Variants in TMEM260 observed in about 807,000 individuals in gnomAD.
TMEM260 encodes transmembrane protein 260.
A neutral mutation model predicts 88.9 loss-of-function variants in TMEM260; 82 were observed. The ratio of observed to expected loss-of-function variants is 0.92; its 90% CI spans 0.77 to 1.11. The LOEUF (loss-of-function observed/expected upper bound fraction) is 1.11. Ranked by LOEUF, TMEM260 falls within the 50% of genes least tolerant of loss-of-function variation. The pLI, the probability that TMEM260 is intolerant of heterozygous loss-of-function variation, is 0.00. For synonymous variants in TMEM260, 314 were observed against 309.3 expected (o/e 1.02, Z -0.16); for missense variants, 902 against 853.4 (o/e 1.06, Z -0.71).
intron 3 of TMEM260, among the ~76,000 whole-genome samples, chr14:56,600,135 A>G (rs1342203042): frequency 6.6e-6 from 1 of 152,218 alleles, no homozygotes; most frequent in Non-Finnish European, 1.5e-5. Context: ...GAAATCAAAG[A>G]AATTCATACA....
At chr14:56,661,690 A>T in the TMEM260 span, among the ~76,000 whole-genome samples, 1 of 152,236 alleles carries the variant, frequency 6.6e-6, no homozygotes, top group Non-Finnish European at 1.5e-5. Context: ...TCTCCCTGCC[A>T]TGTGAGTGAG....
chr14:56,602,685 C>T (rs1026080627), intron 3 of TMEM260, among the ~76,000 whole-genome samples: 1 of 151,930 alleles, frequency 6.6e-6, no homozygotes, highest in African/African-American at 2.4e-5. Flanking sequence ...GAATCAGGAT[C>T]GCTGGAAGAA....
At chr14:56,599,974 G>T (rs575285025) in intron 3 of TMEM260, among the ~76,000 whole-genome samples, 2 of 152,182 alleles carry the variant, frequency 1.3e-5, no homozygotes, top group East Asian at 3.9e-4. Flanking sequence ...GAAAAGAGAT[G>T]ATGATTAGTC....
At chr14:56,604,486 C>G (rs925778946) in intron 4 of TMEM260, among the ~76,000 whole-genome samples, 4 of 152,112 alleles carry the variant, frequency 2.6e-5, no homozygotes, top group Admixed American at 6.6e-5. Flanking sequence ...TCATCAAAAT[C>G]ACTTGACATG....
At chr14:56,611,047 A>G (rs1435801562) in intron 6 of TMEM260, among the ~76,000 whole-genome samples, 1 of 149,128 alleles carries the variant, frequency 6.7e-6, no homozygotes, top group Admixed American at 6.7e-5. Flanking sequence ...GCTCACTGCA[A>G]CCTCCACCTC....
intron 3 of TMEM260, among the ~76,000 whole-genome samples, chr14:56,597,530 A>G (rs559456482): frequency 2.0e-5 from 3 of 152,342 alleles, no homozygotes; most frequent in Admixed American, 2.0e-4. Context: ...AGACCAGATC[A>G]TGAAAGGTTT....
chr14:56,638,753 A>T (rs1889326535), intron 15 of TMEM260, among the ~76,000 whole-genome samples: 1 of 152,098 alleles, frequency 6.6e-6, no homozygotes, highest in Non-Finnish European at 1.5e-5. Flanking sequence ...TATCCTACTC[A>T]ATAGCTCATA....
chr14:56,582,561 C>T (rs1305579586), intron 1 of TMEM260, among the ~76,000 whole-genome samples: 1 of 152,078 alleles, frequency 6.6e-6, no homozygotes, highest in Non-Finnish European at 1.5e-5. Flanking sequence ...ACAACAAAGC[C>T]GTGGTTCTCA....
intron 3 of TMEM260, among the ~76,000 whole-genome samples, chr14:56,601,476 A>G (rs1886572496): frequency 6.6e-6 from 1 of 152,124 alleles, no homozygotes; most frequent in Non-Finnish European, 1.5e-5. Context: ...TGTGTCTGAC[A>G]GTTTTCACCA....
downstream of TMEM260, among the ~76,000 whole-genome samples, chr14:56,655,425 G>A (rs1390845726): frequency 2.0e-5 from 3 of 151,046 alleles, no homozygotes; most frequent in African/African-American, 4.9e-5. Flanking sequence ...CTTCATCTTC[G>A]GAGGCAAATA....
intron 3 of TMEM260, among the ~76,000 whole-genome samples, chr14:56,597,590 G>C (rs1042818282): frequency 6.6e-6 from 1 of 152,118 alleles, no homozygotes; most frequent in African/African-American, 2.4e-5. Context: ...TAAAGGAGAG[G>C]TCATTAAAGG....
At position 56,579,862 on chromosome 14, in the gene TMEM260, C is replaced by G. The variant is rs1476887617; in HGVS notation, c.-53C>G. 8.1e-7 allele frequency: 1 copy of G among 1,228,664 alleles called. No homozygotes were observed. 76.1% of individuals were successfully genotyped at this position (1,228,664 alleles called of 1,614,324 possible). On this transcript the variant is annotated 5_prime_UTR_variant, in exon 1 of 16. Transcript: ENST00000261556. The stretch of plus-strand genomic sequence containing the variant: ...GTCTCTCGGCTGGGGAGCTCCGTGT[C>G]GCACCGGGTTCTTGGGCTGGCCGTG...
chr14:56,603,087 C>T (rs1022715834), intron 3 of TMEM260, among the ~76,000 whole-genome samples: 1 of 151,986 alleles, frequency 6.6e-6, no homozygotes, highest in African/African-American at 2.4e-5. Context: ...ATCTCTGAAC[C>T]GAGATCCAGA....
chr14:56,645,913 G>T (rs1321892687), intron 15 of TMEM260, among the ~76,000 whole-genome samples: 1 of 152,142 alleles, frequency 6.6e-6, no homozygotes, highest in East Asian at 1.9e-4. Flanking sequence ...CAGTAACCTT[G>T]ATGTATATGA....
At chr14:56,631,249 GC>G (rs1313936387) in intron 12 of TMEM260, among the ~76,000 whole-genome samples, 1 of 152,200 alleles carries the variant, frequency 6.6e-6, no homozygotes, top group Admixed American at 6.5e-5. Context: ...CTAGGGTCTT[GC>G]ATTCCCTTCT....
chr14:56,645,494 G>C (rs1287637624), intron 15 of TMEM260, among the ~76,000 whole-genome samples: 2 of 128,114 alleles, frequency 1.6e-5, no homozygotes, highest in South Asian at 2.4e-4. Flanking sequence ...GGACTGTTGT[G>C]GGGTGGGGGT....
chr14:56,649,751 A>G (rs1286841163), downstream of TMEM260, among the ~76,000 whole-genome samples: 1 of 152,212 alleles, frequency 6.6e-6, no homozygotes, highest in East Asian at 1.9e-4. Flanking sequence ...TGTCTGTACT[A>G]TAGAGATATG....
At chr14:56,658,253 T>C in the TMEM260 span, among the ~76,000 whole-genome samples, 3 of 148,938 alleles carry the variant, frequency 2.0e-5, no homozygotes, top group Non-Finnish European at 4.4e-5. Context: ...AATTTTTTTG[T>C]TTGTTTGTTT....
chr14:56,622,660 A>C (rs1417661294), intron 11 of TMEM260, among the ~76,000 whole-genome samples: 1 of 152,176 alleles, frequency 6.6e-6, no homozygotes, highest in Non-Finnish European at 1.5e-5. Context: ...CCATAGATAC[A>C]TAAAAGGGAA....
Sources: gnomAD v4.1 joint callset for allele counts (sites outside exome capture counted in the v4.1 genomes callset) on GRCh38, gnomAD v4.1.1 for gene constraint, MANE v1.5 for transcripts, NCBI Gene and HGNC (gene_info 2026-07-23, HGNC 2026-07-21) for gene names.